Variants in DAB1 observed in about 807,000 individuals in gnomAD.
The protein encoded by DAB1 is DAB adaptor protein 1.
A neutral mutation model predicts 64.6 loss-of-function variants in DAB1; 15 were observed. The observed-to-expected ratio is 0.23, with a 90% CI of 0.16 to 0.36. The LOEUF (loss-of-function observed/expected upper bound fraction) is 0.36, where lower values mean the gene tolerates loss of function less well. DAB1 is among the 10% of genes least tolerant of loss of function. The pLI, the probability that DAB1 is intolerant of heterozygous loss-of-function variation, is 1.00. For missense variants in DAB1, 596 were observed against 706.7 expected (o/e 0.84, Z 1.78); for synonymous variants, 235 against 251.9 (o/e 0.93, Z 0.64).
chr1:57,801,915 C>T (rs1277917178), intron 6 of DAB1, among the ~76,000 whole-genome samples: 1 of 152,106 alleles, frequency 6.6e-6, no homozygotes, highest in Non-Finnish European at 1.5e-5. Flanking sequence ...GCCTTGGCTC[C>T]CCAAAGTGCT....
rs1471677491 is a variant in DAB1 at position 57,508,612 on chromosome 1, C to T, written n.625+140980G>A. On this transcript the variant is annotated intron_variant and non_coding_transcript_variant, in intron 7 of 20. Transcript: ENST00000485760. ...AAACTCTGTTGTAGTGGAAAAGTAG[C>T]CACAGACAATGTCTAAACCAATGGG... 2.0e-5 allele frequency among the ~76,000 whole-genome samples: 3 copies of T among 152,168 alleles called. No homozygotes were observed. The East Asian group carries it at 5.8e-4, about 29-fold the overall frequency.
intron 7 of DAB1, among the ~76,000 whole-genome samples, chr1:57,528,060 C>CA (rs537650166): frequency 6.1e-4 from 93 of 151,924 alleles, no homozygotes; most frequent in African/African-American, 2.0e-3. Context: ...TTAGAGATGA[C>CA]AAAAAAATGA....
intron 5 of DAB1, among the ~76,000 whole-genome samples, chr1:57,999,877 AAGAAG>A (rs1220362868): frequency 6.6e-6 from 1 of 151,712 alleles, no homozygotes; most frequent in African/African-American, 2.4e-5. Flanking sequence ...GAGAGAAAGA[AAGAAG>A]AGAAGGAAGA....
chr1:58,298,409 C>T (rs10493251), intron 4 of DAB1, among the ~76,000 whole-genome samples: 36,233 of 152,102 alleles, frequency 0.24, 5,176 homozygotes, highest in East Asian at 0.44. Flanking sequence ...ATTTGTATCT[C>T]TTGAAGACAC....
chr1:57,105,005 C>T (rs867364080), intron 4 of DAB1, among the ~76,000 whole-genome samples: 1 of 152,100 alleles, frequency 6.6e-6, no homozygotes, highest in Non-Finnish European at 1.5e-5. Context: ...AGTACCCTTG[C>T]AGTAAACTCC....
intron 1 of DAB1, among the ~76,000 whole-genome samples, chr1:57,406,002 C>T (rs1019254584): frequency 6.6e-6 from 1 of 152,184 alleles, no homozygotes; most frequent in Admixed American, 6.5e-5. Flanking sequence ...CAAACCTTCC[C>T]TGCCTCATTT....
intron 3 of DAB1, among the ~76,000 whole-genome samples, chr1:58,350,102 C>A (rs1181099124): frequency 6.6e-6 from 1 of 152,218 alleles, no homozygotes; most frequent in Non-Finnish European, 1.5e-5. Context: ...TATTTCTCCA[C>A]ATCCTCTCCA....
intron 4 of DAB1, 127 bp from the exon 5 acceptor site, chr1:57,072,541 G>C: frequency 2.1e-6 from 2 of 938,270 alleles, no homozygotes; most frequent in South Asian, 3.5e-5. Flanking sequence ...GTTTAGTCCA[G>C]ATGGAAAGAA....
intron 1 of DAB1, among the ~76,000 whole-genome samples, chr1:57,387,610 T>A (rs1681981920): frequency 2.0e-5 from 3 of 151,874 alleles, no homozygotes; most frequent in Non-Finnish European, 4.4e-5. Context: ...GATCACAAGA[T>A]CAGGAGTTCG....
intron 5 of DAB1, among the ~76,000 whole-genome samples, chr1:58,031,796 C>G (rs1268882372): frequency 6.6e-6 from 1 of 152,096 alleles, no homozygotes; most frequent in Non-Finnish European, 1.5e-5. Context: ...AAACAATATC[C>G]TGCTCAGCCC....
chr1:57,333,790 A>G (rs1351081126), intron 1 of DAB1, among the ~76,000 whole-genome samples: 2 of 152,212 alleles, frequency 1.3e-5, no homozygotes, highest in South Asian at 2.1e-4. Flanking sequence ...TAAACTCTCA[A>G]TAAATGTTTG....
chr1:58,484,831 A>G (rs1234412780), intron 3 of DAB1, among the ~76,000 whole-genome samples: 1 of 152,158 alleles, frequency 6.6e-6, no homozygotes, highest in Non-Finnish European at 1.5e-5. Flanking sequence ...CATGATTCCA[A>G]CTATATGATA....
intron 4 of DAB1, among the ~76,000 whole-genome samples, chr1:58,224,315 T>C (rs1251050787): frequency 6.6e-6 from 1 of 152,140 alleles, no homozygotes; most frequent in African/African-American, 2.4e-5. Flanking sequence ...TAATAAGCAG[T>C]AACAAGTAGT....
intron 5 of DAB1, among the ~76,000 whole-genome samples, chr1:58,116,437 G>C (rs537984869): frequency 1.3e-5 from 2 of 152,340 alleles, no homozygotes; most frequent in African/African-American, 4.8e-5. Context: ...AGGGCCTTAA[G>C]TATTCCAGGA....
chr1:57,291,084 T>C lies in DAB1; in HGVS notation c.-54A>G, dbSNP rs1198470643. The C allele has an allele frequency of 1.8e-5, 22 of 1,231,592 alleles. No homozygotes were observed. Among genetic ancestry groups the C allele is most frequent in the South Asian group, 5.4e-5 (4 of 73,808 alleles). 76.3% of individuals were successfully genotyped at this position (1,231,592 alleles called of 1,614,324 possible). On this transcript the variant is annotated 5_prime_UTR_variant, in exon 2 of 15. An upstream start codon of the reference 5' UTR is lost. Coordinates refer to ENST00000371236, the MANE Select transcript of DAB1 (RefSeq NM_001365792.1). Reference sequence around the variant, plus strand: ...AGATCCCGGGCCTCGGCCAGGCTCATTGAGGACTCTTCTCCAAGAGAAAGA... The same window carrying C: ...AGATCCCGGGCCTCGGCCAGGCTCACTGAGGACTCTTCTCCAAGAGAAAGA...
chr1:58,315,198 T>C (rs1377771985), intron 4 of DAB1, among the ~76,000 whole-genome samples: 1 of 152,234 alleles, frequency 6.6e-6, no homozygotes, highest in Non-Finnish European at 1.5e-5. Context: ...GGATACTAAC[T>C]AGTAAGGGTG....
chr1:57,974,136 C>T (rs564332699), intron 5 of DAB1, among the ~76,000 whole-genome samples: 1 of 152,206 alleles, frequency 6.6e-6, no homozygotes, highest in South Asian at 2.1e-4. Context: ...GTTTGCTGTC[C>T]TCACAACCTC....
chr1:58,378,963 T>C (rs990516352), intron 3 of DAB1, among the ~76,000 whole-genome samples: 5 of 134,750 alleles, frequency 3.7e-5, no homozygotes, highest in Admixed American at 7.1e-5. Flanking sequence ...CCGTCACCCC[T>C]TTCTTTGACT....
At chr1:57,737,171 C>G (rs1647734101) in intron 6 of DAB1, among the ~76,000 whole-genome samples, 1 of 152,192 alleles carries the variant, frequency 6.6e-6, no homozygotes, top group South Asian at 2.1e-4. Context: ...CCCAACCCAC[C>G]TTTCTTCCAT....
Sources: allele counts gnomAD v4.1 joint callset (sites outside exome capture counted in the v4.1 genomes callset), GRCh38; gene constraint gnomAD v4.1.1; transcripts MANE v1.5; gene names NCBI Gene and HGNC (gene_info 2026-07-23, HGNC 2026-07-21).